CRMP1: variants seen among roughly 807,000 people sequenced by gnomAD.
CRMP1 encodes collapsin response mediator protein 1.
Under a neutral mutation model 68.3 loss-of-function variants are expected in CRMP1, and 19 were observed. The ratio of observed to expected loss-of-function variants is 0.28; its 90% CI spans 0.19 to 0.41. CRMP1 has a LOEUF of 0.41. Ranked by LOEUF, CRMP1 falls within the 10% of genes least tolerant of loss-of-function variation. The pLI, the probability that CRMP1 is intolerant of heterozygous loss-of-function variation, is 1.00. For missense variants in CRMP1, 791 were observed against 967.4 expected (o/e 0.82, Z 2.42); for synonymous variants, 439 against 399.6 (o/e 1.10, Z -1.18).
Position 5,884,391 on chromosome 4 carries a change from ACC to A in CRMP1, c.381+8196_381+8197del, listed in dbSNP as rs971839410. Among the ~76,000 whole-genome samples, 497 of 151,630 alleles carry A rather than the reference ACC, an allele frequency of 3.3e-3. 13 individuals carry two copies. Among genetic ancestry groups the A allele is most frequent in the Non-Finnish European group, 9.9e-4 (67 of 67,860 alleles). On this transcript the variant is annotated intron_variant, in intron 1 of 13. Transcript: ENST00000324989. ...ACTGTTTAATCAAACACACACACAC[ACC>A]CCCACACCCACACACAAACACATTT... is the stretch of plus-strand genomic sequence containing the variant.
rs1349488479 is a variant in CRMP1, at chr4:5,865,866, G to GA, written c.470+801dup. ...CCAGGAGTGTGCACACACACACACA[G>GA]AAAGGGCCCTGTGAGGACAGCCAGA... On this transcript the variant is annotated intron_variant, in intron 2 of 13. Transcript: ENST00000324989. The surrounding 1 kb of genome is among the most constrained non-coding windows in gnomAD (Gnocchi z 4.1). Among the ~76,000 whole-genome samples, 2 of 152,096 alleles carry GA rather than the reference G, an allele frequency of 1.3e-5. No individual in the cohort carries two copies. The highest frequency in any genetic ancestry group is 1.5e-5 in the Non-Finnish European group (1 of 68,002).
rs551106174 is a variant in CRMP1, at chr4:5,862,865, T to TAC, written c.471-1657_471-1656dup. 2.7e-3 allele frequency among the ~76,000 whole-genome samples: 418 copies of TAC among 152,300 alleles called. 5 individuals carry two copies. Among genetic ancestry groups the TAC allele is most frequent in the African/African-American group, 9.7e-3 (404 of 41,572 alleles). The stretch of plus-strand genomic sequence containing the variant: ...TGTCAGCCAGGCTGGAGTACAGTGG[T>TAC]ACAGGTCATGGCTCACTGCAGCCTC... On this transcript the variant is annotated intron_variant, in intron 2 of 13. Transcript: ENST00000324989.
Position 5,838,128 on chromosome 4 carries a change from A to T in CRMP1, c.1311-1222T>A, listed in dbSNP as rs1283348793. Among the ~76,000 whole-genome samples the T allele has an allele frequency of 6.6e-6, 1 of 152,158 alleles. No individual in the cohort carries two copies. Among genetic ancestry groups the T allele is most frequent in the East Asian group, 1.9e-4 (1 of 5,184 alleles). ...TGAGGAGCCTTCTAGCAAAGATCTG[A>T]AGGAAGTCACAGAGCAAACCATGTG... is the stretch of plus-strand genomic sequence containing the variant. On this transcript the variant is annotated intron_variant, in intron 9 of 13. Coordinates refer to ENST00000324989, the MANE Select transcript of CRMP1 (RefSeq NM_001014809.3). The surrounding 1 kb of genome is among the most constrained non-coding windows in gnomAD (Gnocchi z 4.9).
In CRMP1 at chr4:5,825,501, G is replaced by A. The variant is rs962183834; in HGVS notation, c.1962C>T (p.Ser654=). ...PIRNLHQSNF[S]LSGAQIDDNN... is the part of the protein sequence containing the mutation. Reference sequence around the variant, plus strand: ...GCCACCACTCTTTCCTACCTGATAAGCTGAAGTTGGACTGGTGGAGGTTTC... The same window carrying A: ...GCCACCACTCTTTCCTACCTGATAAACTGAAGTTGGACTGGTGGAGGTTTC... Residue 654 remains serine, a synonymous_variant, in exon 13 of 14, where the codon AGC becomes AGT. Transcript: ENST00000324989. This position sits in a 1 kb window ranked among gnomAD's most constrained non-coding sequence, Gnocchi z 4.4. The A allele has an allele frequency of 7.6e-6, 12 of 1,572,640 alleles. No individual in the cohort carries two copies. In the Admixed American group the frequency reaches 8.3e-5, roughly 11 times the overall value.
In CRMP1 at chr4:5,887,064, T is replaced by C. The variant is rs536523798; in HGVS notation, c.381+5525A>G. Among the ~76,000 whole-genome samples, 7 of 152,304 alleles carry C rather than the reference T, an allele frequency of 4.6e-5. No homozygotes were observed. The East Asian group carries it at 1.2e-3, about 25-fold the overall frequency. On this transcript the variant is annotated intron_variant, in intron 1 of 13. Transcript: ENST00000324989. ...GAGGCAGGGGGCCTGGGTTCCCTCC[T>C]GACCTTCCTGTGGTGGAAGCCCTCA...
intron 1 of CRMP1, among the ~76,000 whole-genome samples, chr4:5,880,641 C>T (rs1222204927): frequency 6.6e-6 from 1 of 152,166 alleles, no homozygotes; most frequent in Non-Finnish European, 1.5e-5. Context: ...GCAGCGAAGC[C>T]CATTACTAAA....
At chr4:5,875,656 T>C (rs1429606707) in intron 1 of CRMP1, among the ~76,000 whole-genome samples, 3 of 152,184 alleles carry the variant, frequency 2.0e-5, no homozygotes, top group East Asian at 1.9e-4. Context: ...AAACATTAGA[T>C]ACAGAGACAC....
chr4:5,825,606 C>A lies in CRMP1; in HGVS notation c.1857G>T (p.Glu619Asp). ...TTGCATATTTGGGTGTAGCTGGTAC[C>A]TCGTACACAGGACCGTCATACATGC... ...SRGMYDGPVY[E>D]VPATPKYATP... is the part of the protein sequence containing the mutation. The change falls in exon 13 of 14, where the codon GAG (glutamate) becomes GAT (aspartate). Residue 619 changes from glutamate (E) to aspartate (D), a missense_variant. Glu to Asp is a conservative substitution (Grantham distance 45). This residue lies in a region of CRMP1 where 594 missense variants were observed against 763.6 expected (regional missense o/e 0.78). Coordinates refer to ENST00000324989, the MANE Select transcript of CRMP1 (RefSeq NM_001014809.3). The surrounding 1 kb of genome is among the most constrained non-coding windows in gnomAD (Gnocchi z 4.4). 1.2e-6 allele frequency: 2 copies of A among 1,605,734 alleles called. No individual in the cohort carries two copies. The highest frequency in any genetic ancestry group is 1.7e-5 in the Admixed American group (1 of 57,734).
intron 1 of CRMP1, among the ~76,000 whole-genome samples, chr4:5,885,704 G>C (rs1715537592): frequency 1.3e-5 from 2 of 152,110 alleles, no homozygotes; most frequent in African/African-American, 2.4e-5. Context: ...CCCGCCGTAT[G>C]ATACCCTTAA....
chr4:5,825,741 C>G lies in CRMP1; in HGVS notation c.1804-82G>C. 6.8e-7 allele frequency: 1 copy of G among 1,463,866 alleles called. No individual in the cohort carries two copies. The highest frequency in any genetic ancestry group is 9.3e-7 in the Non-Finnish European group (1 of 1,074,548). The allele number at this position is 1,463,866 out of a possible 1,614,324, so 90.7% of individuals were successfully genotyped here. A position where few individuals can be genotyped will look rare whatever the true frequency, so the allele number is the denominator to read the frequency against. On this transcript the variant is annotated intron_variant, in intron 12 of 13. Coordinates refer to ENST00000324989, the MANE Select transcript of CRMP1 (RefSeq NM_001014809.3). The surrounding 1 kb of genome is among the most constrained non-coding windows in gnomAD (Gnocchi z 4.4). Reference sequence around the variant, plus strand: ...GGCAGATAAAGCAGAGCCCTGCGGGCGAGAGAGAAACCTGAGGTCACTTCA... The same window carrying G: ...GGCAGATAAAGCAGAGCCCTGCGGGGGAGAGAGAAACCTGAGGTCACTTCA...
chr4:5,875,323 G>T (rs1338749789), intron 1 of CRMP1, among the ~76,000 whole-genome samples: 9 of 151,622 alleles, frequency 5.9e-5, no homozygotes, highest in African/African-American at 2.2e-4. Flanking sequence ...CCTGCATGGT[G>T]GGAATAAATC....
chr4:5,831,254 T>C (rs528157873), intron 11 of CRMP1, among the ~76,000 whole-genome samples: 2 of 152,306 alleles, frequency 1.3e-5, no homozygotes, highest in East Asian at 3.9e-4. Context: ...GCCAAGTCTT[T>C]AGTTTTTATT....
chr4:5,887,506 CA>C (rs2152476863), intron 1 of CRMP1: 2 of 985,010 alleles, frequency 2.0e-6, no homozygotes, highest in Admixed American at 1.2e-4. Context: ...CACCCCGAGA[CA>C]AAGCGTAAAG....
intron 13 of CRMP1, among the ~76,000 whole-genome samples, chr4:5,822,414 C>T (rs989038168): frequency 6.6e-6 from 1 of 150,716 alleles, no homozygotes; most frequent in Non-Finnish European, 1.5e-5. Context: ...TTTGTATATG[C>T]ATGTGCATAT....
intron 1 of CRMP1, among the ~76,000 whole-genome samples, chr4:5,869,407 G>A (rs1043889969): frequency 6.6e-6 from 1 of 152,198 alleles, no homozygotes; most frequent in African/African-American, 2.4e-5. Context: ...ACTGGGCCAG[G>A]TGTGGTGGCT....
rs1716025103 is a variant in CRMP1 at position 5,893,045 on chromosome 4, C to T, written c.-76G>A. The T allele has an allele frequency of 1.0e-6, 1 of 992,800 alleles. No individual in the cohort carries two copies. The highest frequency in any genetic ancestry group is 1.2e-6 in the Non-Finnish European group (1 of 822,788). The allele number at this position is 992,800 out of a possible 1,614,324, so 61.5% of individuals were successfully genotyped here. A position where few individuals can be genotyped will look rare whatever the true frequency, so the allele number is the denominator to read the frequency against. On this transcript the variant is annotated 5_prime_UTR_variant, in exon 1 of 14. Coordinates refer to ENST00000324989, the MANE Select transcript of CRMP1 (RefSeq NM_001014809.3). Reference sequence around the variant, plus strand: ...CCTGGGCACCGCCGTGCGCCGCGCTCCGCGCCTCGGTGCGGGCCTGCGGCG... The same window carrying T: ...CCTGGGCACCGCCGTGCGCCGCGCTTCGCGCCTCGGTGCGGGCCTGCGGCG...
rs1712912138 is a variant in CRMP1, at chr4:5,854,633, GAAAAATGTATGCAA to G, written c.820+1496_820+1509del. ...TAATACAATCAGCTATTCACATAAG[GAAAAATGTATGCAA>G]AATGTTGAATGTAATCAGTAAAGAA... On this transcript the variant is annotated intron_variant, in intron 4 of 13. Transcript: ENST00000324989. This position sits in a 1 kb window ranked among gnomAD's most constrained non-coding sequence, Gnocchi z 4.0. 6.6e-6 allele frequency among the ~76,000 whole-genome samples: 1 copy of G among 152,068 alleles called. No homozygotes were observed. Among genetic ancestry groups the G allele is most frequent in the African/African-American group, 2.4e-5 (1 of 41,398 alleles).
intron 11 of CRMP1, among the ~76,000 whole-genome samples, chr4:5,832,353 G>A (rs1014109202): frequency 7.9e-5 from 12 of 152,190 alleles, no homozygotes; most frequent in Admixed American, 4.6e-4. Context: ...AAAACATCCA[G>A]ATAGTCTATG....
chr4:5,879,196 G>A lies in CRMP1; in HGVS notation c.382-12440C>T, dbSNP rs1486448680. Among the ~76,000 whole-genome samples, 2 of 152,138 alleles carry A rather than the reference G, an allele frequency of 1.3e-5. No homozygotes were observed. Among genetic ancestry groups the A allele is most frequent in the South Asian group, 2.1e-4 (1 of 4,796 alleles). On this transcript the variant is annotated intron_variant, in intron 1 of 13. Coordinates refer to ENST00000324989, the MANE Select transcript of CRMP1 (RefSeq NM_001014809.3). The surrounding 1 kb of genome is among the most constrained non-coding windows in gnomAD (Gnocchi z 4.2). ...GCCGCGCCCCACCACATCTATCTAC[G>A]CACACCACGCTCTGCCTCCCTAACT... is the stretch of plus-strand genomic sequence containing the variant.
Sources: gnomAD v4.1 joint callset for allele counts (sites outside exome capture counted in the v4.1 genomes callset) on GRCh38, gnomAD v4.1.1 for gene constraint, gnomAD v4.1.1 regional missense constraint, Gnocchi (gnomAD v3.1) non-coding constraint, MANE v1.5 for transcripts, NCBI Gene and HGNC (gene_info 2026-07-23, HGNC 2026-07-21) for gene names.